Variants in HDAC4 observed in about 807,000 individuals in gnomAD.
The protein encoded by HDAC4 is histone deacetylase 4, also known as histone deacetylase A.
Under a neutral mutation model 135.1 loss-of-function variants are expected in HDAC4, and 16 were observed. That is an observed-to-expected ratio of 0.12 (90% CI 0.08 to 0.18). HDAC4 has a LOEUF of 0.18. HDAC4 is among the 10% of genes least tolerant of loss of function. The pLI, the probability that HDAC4 is intolerant of heterozygous loss-of-function variation, is 1.00. For synonymous variants in HDAC4, 685 were observed against 653.4 expected, an observed-to-expected ratio of 1.05 and a Z score of -0.74; for missense variants, 1,143 against 1,511.8, an observed-to-expected ratio of 0.76 and a Z score of 4.05.
intron 18 of HDAC4, among the ~76,000 whole-genome samples, chr2:239,087,931 G>T (rs985595405): frequency 1.3e-5 from 2 of 152,212 alleles, no homozygotes; most frequent in Admixed American, 6.5e-5. Context: ...AGGGGTCGGG[G>T]TGATGTGGAA....
chr2:239,149,895 G>C (rs1045226652), intron 7 of HDAC4, among the ~76,000 whole-genome samples: 2 of 152,156 alleles, frequency 1.3e-5, no homozygotes, highest in African/African-American at 4.8e-5. Flanking sequence ...TGCTGGGGAG[G>C]GGGTATCATT....
chr2:239,084,705 C>T (rs1306975841), intron 19 of HDAC4, among the ~76,000 whole-genome samples: 1 of 149,306 alleles, frequency 6.7e-6, no homozygotes, highest in Non-Finnish European at 1.5e-5. Context: ...ACACACCATG[C>T]AACACGCCCT....
chr2:239,107,377 G>A (rs922317110), intron 15 of HDAC4, among the ~76,000 whole-genome samples: 4 of 152,346 alleles, frequency 2.6e-5, no homozygotes, highest in East Asian at 1.9e-4. Flanking sequence ...CGCTGCCATC[G>A]CCTGGCGGCC....
chr2:239,392,833 C>T (rs1334297388), intron 1 of HDAC4, among the ~76,000 whole-genome samples: 3 of 152,228 alleles, frequency 2.0e-5, no homozygotes, highest in East Asian at 3.9e-4. Context: ...TTACATGGCA[C>T]GGTGCCAGCC....
Position 239,081,182 on chromosome 2 carries a change from C to T in HDAC4, c.2663G>A (p.Gly888Glu), listed in dbSNP as rs543942255. Reference sequence around the variant, plus strand: ...GTTGACGTTGAAACCCACGCCGGGCCCTGTGCCCACCTGTGGCCAGAAGGA... The same window carrying T: ...GTTGACGTTGAAACCCACGCCGGGCTCTGTGCCCACCTGTGGCCAGAAGGA... ...GSGAPDEVGT[G>E]PGVGFNVNMA... Residue 888 changes from glycine to glutamate, a missense_variant, in exon 22 of 27, where the codon GGG (glycine) becomes GAG (glutamate). This residue lies in a region of HDAC4 where 189 missense variants were observed against 317.6 expected (regional missense o/e 0.60). Transcript: ENST00000543185. The T allele has an allele frequency of 6.2e-7, 1 of 1,612,840 alleles. No homozygotes were observed. Among genetic ancestry groups the T allele is most frequent in the Admixed American group, 1.7e-5 (1 of 59,932 alleles).
intron 17 of HDAC4, chr2:239,094,679 C>A: frequency 8.3e-7 from 1 of 1,209,184 alleles, no homozygotes; most frequent in South Asian, 1.6e-5. Flanking sequence ...GCACCATACT[C>A]GTGGCCTGAT....
At chr2:239,239,085 A>G (rs187033201) in intron 2 of HDAC4, among the ~76,000 whole-genome samples, 139 of 152,260 alleles carry the variant, frequency 9.1e-4, no homozygotes, top group African/African-American at 3.1e-3. Flanking sequence ...AACTGGCACC[A>G]ACTGGGCGTC....
chr2:239,225,065 T>A (rs182918110), intron 3 of HDAC4, among the ~76,000 whole-genome samples: 2 of 152,306 alleles, frequency 1.3e-5, no homozygotes, highest in Admixed American at 1.3e-4. Context: ...ACAAAAAAGA[T>A]GACTTGGAAA....
chr2:239,273,544 AG>A (rs945493083), intron 2 of HDAC4, among the ~76,000 whole-genome samples: 8 of 152,216 alleles, frequency 5.3e-5, no homozygotes, highest in African/African-American at 1.9e-4. Context: ...CCAGGAAGGA[AG>A]GAATGAAGCT....
At chr2:239,314,679 G>A (rs1264993928) in intron 2 of HDAC4, among the ~76,000 whole-genome samples, 2 of 152,186 alleles carry the variant, frequency 1.3e-5, no homozygotes, top group African/African-American at 4.8e-5. Flanking sequence ...GAGAGAATTA[G>A]TGAACAGTAA....
At chr2:239,174,783 C>A (rs1043335168) in intron 5 of HDAC4, among the ~76,000 whole-genome samples, 4 of 152,172 alleles carry the variant, frequency 2.6e-5, no homozygotes, top group African/African-American at 7.2e-5. Context: ...AAATGGGACA[C>A]CATGCAGCAA....
Position 239,280,852 on chromosome 2 carries a change from T to G in HDAC4, c.23-44188A>C, listed in dbSNP as rs568855295. Reference sequence around the variant, plus strand: ...AATGTACACACCACTCTCCACACAATGTACACACCTCTACAATGTACACAC... The same window carrying G: ...AATGTACACACCACTCTCCACACAAGGTACACACCTCTACAATGTACACAC... On this transcript the variant is annotated intron_variant, in intron 2 of 26. Coordinates refer to ENST00000543185, the MANE Select transcript of HDAC4 (RefSeq NM_001378414.1). 8.0e-4 allele frequency among the ~76,000 whole-genome samples: 117 copies of G among 146,090 alleles called. 1 individual carries two copies. The highest frequency in any genetic ancestry group is 2.9e-3 in the African/African-American group (112 of 38,546).
chr2:239,106,673 C>T (rs1457329042), intron 15 of HDAC4, among the ~76,000 whole-genome samples: 1 of 150,956 alleles, frequency 6.6e-6, no homozygotes, highest in East Asian at 1.9e-4. Flanking sequence ...ACCAATAAAA[C>T]TGGTAAAGGA....
chr2:239,144,547 G>A (rs2041622795), intron 8 of HDAC4, 36 bp downstream of exon 8: 2 of 1,612,158 alleles, frequency 1.2e-6, no homozygotes, highest in African/African-American at 2.7e-5. Context: ...TGGCAGAGAG[G>A]GCAGCGGGGC....
At chr2:239,092,207 CCAGTCTGGGTAA>C (rs1177517826) in intron 17 of HDAC4, among the ~76,000 whole-genome samples, 3 of 151,384 alleles carry the variant, frequency 2.0e-5, no homozygotes, top group Non-Finnish European at 4.4e-5. Flanking sequence ...CCGCTGCACT[CCAGTCTGGGTAA>C]CAGACTGAAG....
chr2:239,314,028 G>A (rs1198262567), intron 2 of HDAC4, among the ~76,000 whole-genome samples: 1 of 152,122 alleles, frequency 6.6e-6, no homozygotes, highest in African/African-American at 2.4e-5. Flanking sequence ...GGGTCAAATC[G>A]AGAGAGGACT....
chr2:239,157,135 C>T (rs149737171), intron 6 of HDAC4, among the ~76,000 whole-genome samples: 1,864 of 152,292 alleles, frequency 0.012, 22 homozygotes, highest in Non-Finnish European at 0.021. Flanking sequence ...AGCCTATCCC[C>T]GGTGGGGAGA....
At chr2:239,264,961 A>G (rs2049627837) in intron 2 of HDAC4, among the ~76,000 whole-genome samples, 1 of 152,084 alleles carries the variant, frequency 6.6e-6, no homozygotes. Flanking sequence ...GCTTCAGAGA[A>G]CCCTGAAGAT....
Position 239,308,446 on chromosome 2 carries a change from T to C in HDAC4, c.22+44232A>G, listed in dbSNP as rs2052715892. 6.6e-6 allele frequency among the ~76,000 whole-genome samples: 1 copy of C among 152,168 alleles called. No homozygotes were observed. The highest frequency in any genetic ancestry group is 2.4e-5 in the African/African-American group (1 of 41,414). ...TTAGCTTCCTGTTTTCAGAGAGTCTTCTTAGCAAAGTGAGGAATCTGCAGA... is the reference window on the plus strand; with the variant it reads ...TTAGCTTCCTGTTTTCAGAGAGTCTCCTTAGCAAAGTGAGGAATCTGCAGA... On this transcript the variant is annotated intron_variant, in intron 2 of 26. Coordinates refer to ENST00000543185, the MANE Select transcript of HDAC4 (RefSeq NM_001378414.1). The surrounding 1 kb of genome is among the most constrained non-coding windows in gnomAD (Gnocchi z 4.2).
Sources: gnomAD v4.1 joint callset for allele counts (sites outside exome capture counted in the v4.1 genomes callset) on GRCh38, gnomAD v4.1.1 for gene constraint, gnomAD v4.1.1 regional missense constraint, Gnocchi (gnomAD v3.1) non-coding constraint, MANE v1.5 for transcripts, NCBI Gene and HGNC (gene_info 2026-07-23, HGNC 2026-07-21) for gene names.